PRDM6: variants seen among roughly 807,000 people sequenced by gnomAD.
PRDM6 encodes the protein PR/SET domain 6, also known as putative histone-lysine N-methyltransferase PRDM6.
A neutral mutation model predicts 60.8 loss-of-function variants in PRDM6; 25 were observed. That is an observed-to-expected ratio of 0.41 (90% CI 0.30 to 0.57). PRDM6 has a LOEUF of 0.57. PRDM6 is among the 20% of genes least tolerant of loss of function. PRDM6 has a pLI of 0.27. For missense variants in PRDM6, 839 were observed against 821.3 expected (o/e 1.02, Z -0.26); for synonymous variants, 407 against 357.4 (o/e 1.14, Z -1.57).
At chr5:123,121,300 AT>A (rs1247382083) in intron 3 of PRDM6, among the ~76,000 whole-genome samples, 31 of 151,790 alleles carry the variant, frequency 2.0e-4, no homozygotes, top group East Asian at 3.9e-4. Context: ...TATTTTGAAT[AT>A]TTTTTTCTTT....
Position 123,170,987 on chromosome 5 carries a change from T to C in PRDM6, c.1375T>C (p.Ser459Pro). ...KNQRVLASPTSTSQLHSEFSD... is the reference protein window; with the variant it reads ...KNQRVLASPTPTSQLHSEFSD... ...CCAGCGAGTCCTGGCAAGCCCAACT[T>C]CCACAAGCCAGCTCCACTCGGAGTT... Residue 459 changes from serine (S) to proline (P), a missense_variant, in exon 6 of 8, where the codon TCC becomes CCC. By Grantham distance (74) the Ser-to-Pro change is moderately conservative. Transcript: ENST00000407847. 1 of 1,551,778 alleles carries C rather than the reference T, an allele frequency of 6.4e-7. No individual in the cohort carries two copies. The highest frequency in any genetic ancestry group is 8.7e-7 in the Non-Finnish European group (1 of 1,147,028).
chr5:123,160,607 A>T (rs1487457032), intron 5 of PRDM6, among the ~76,000 whole-genome samples: 1 of 152,208 alleles, frequency 6.6e-6, no homozygotes, highest in African/African-American at 2.4e-5. Flanking sequence ...CTGCAATTTA[A>T]AAACGCTCAT....
chr5:123,147,397 G>A (rs1422998401), intron 3 of PRDM6, among the ~76,000 whole-genome samples: 2 of 152,002 alleles, frequency 1.3e-5, no homozygotes, highest in Admixed American at 6.6e-5. Context: ...TAGTGTTGAT[G>A]TTGTGTGGAC....
At chr5:123,117,292 A>G (rs1055107555) in intron 3 of PRDM6, among the ~76,000 whole-genome samples, 1 of 152,204 alleles carries the variant, frequency 6.6e-6, no homozygotes, top group East Asian at 1.9e-4. Flanking sequence ...GGAAAAAGGC[A>G]ATAAACATAC....
chr5:123,186,872 C>G (rs1766299769), intron 7 of PRDM6, among the ~76,000 whole-genome samples: 1 of 152,202 alleles, frequency 6.6e-6, no homozygotes, highest in Non-Finnish European at 1.5e-5. Flanking sequence ...ATCACCTTCC[C>G]CCTGCCTATT....
intron 3 of PRDM6, among the ~76,000 whole-genome samples, chr5:123,111,569 G>A (rs1004883905): frequency 2.4e-4 from 36 of 152,120 alleles, no homozygotes; most frequent in Admixed American, 2.4e-3. Context: ...GTGGTGACGG[G>A]CGCCTGTAGT....
intron 3 of PRDM6, among the ~76,000 whole-genome samples, chr5:123,114,881 A>G (rs1171703855): frequency 5.3e-5 from 8 of 152,198 alleles, no homozygotes; most frequent in Non-Finnish European, 1.5e-5. Context: ...TATGTTTTCA[A>G]AGGACCACTC....
At chr5:123,105,787 A>C (rs337128) in intron 3 of PRDM6, among the ~76,000 whole-genome samples, 76,785 of 152,120 alleles carry the variant, frequency 0.5, 19,665 homozygotes, top group Middle Eastern at 0.56. Context: ...ACTTCGGTAT[A>C]AGTACTTAGC....
chr5:123,171,022 G>C lies in PRDM6; in HGVS notation c.1410G>C (p.Trp470Cys), dbSNP rs980844966. The change falls in exon 6 of 8, where the codon TGG (tryptophan) becomes TGC (cysteine). Residue 470 changes from tryptophan to cysteine, a missense_variant. Physicochemically the swap from Trp to Cys is radical, Grantham distance 215. Coordinates refer to ENST00000407847, the MANE Select transcript of PRDM6 (RefSeq NM_001136239.4). ...TSQLHSEFSD[W>C]HLWKCGQCFK... ...AGCTCCACTCGGAGTTCAGTGACTG[G>C]CATCTTTGGAAATGTGGGCAGTGCT... The C allele has an allele frequency of 1.9e-6, 3 of 1,551,840 alleles. No individual in the cohort carries two copies. The African/African-American group carries it at 4.1e-5, about 21-fold the overall frequency.
chr5:123,182,231 A>G (rs1766181323), intron 7 of PRDM6, among the ~76,000 whole-genome samples: 1 of 152,174 alleles, frequency 6.6e-6, no homozygotes, highest in Non-Finnish European at 1.5e-5. Context: ...GGACTTTGTC[A>G]TTGCCCTCAG....
At chr5:123,118,152 C>T (rs1220539818) in intron 3 of PRDM6, among the ~76,000 whole-genome samples, 1 of 152,168 alleles carries the variant, frequency 6.6e-6, no homozygotes, top group African/African-American at 2.4e-5. Context: ...CTCAAGCCTC[C>T]TCTGGATGTT....
rs974528173 is a variant in PRDM6, at chr5:123,089,388, G to A, written c.-147G>A. 4 of 152,606 alleles carry A rather than the reference G, an allele frequency of 2.6e-5. No individual in the cohort carries two copies. The highest frequency in any genetic ancestry group is 9.7e-5 in the African/African-American group (4 of 41,342). The allele number at this position is 152,606 out of a possible 1,614,324, so 9.5% of individuals were successfully genotyped here. On this transcript the variant is annotated 5_prime_UTR_variant, in exon 1 of 8. Coordinates refer to ENST00000407847, the MANE Select transcript of PRDM6 (RefSeq NM_001136239.4). ...TCGCTTGCAGGTCGGGAGGTTTCCG[G>A]GCGGCACAATCTCTAGGACTCTCCT...
chr5:123,127,227 A>G (rs1764713836), intron 3 of PRDM6, among the ~76,000 whole-genome samples: 1 of 152,114 alleles, frequency 6.6e-6, no homozygotes, highest in Non-Finnish European at 1.5e-5. Flanking sequence ...TAGTAGAGAC[A>G]GGTTTTCAAC....
chr5:123,150,787 G>C (rs750707651), intron 3 of PRDM6, among the ~76,000 whole-genome samples: 1 of 152,158 alleles, frequency 6.6e-6, no homozygotes, highest in Non-Finnish European at 1.5e-5. Context: ...TGTAAACAGC[G>C]CTGGGTTCAC....
rs964146743 is a variant in PRDM6, at chr5:123,155,787, A to G, written c.901-97A>G. The G allele has an allele frequency of 5.0e-6, 7 of 1,402,192 alleles. No individual in the cohort carries two copies. In the African/African-American group the frequency reaches 7.2e-5, roughly 14 times the overall value. The allele number at this position is 1,402,192 out of a possible 1,614,324, so 86.9% of individuals were successfully genotyped here. On this transcript the variant is annotated intron_variant, in intron 3 of 7. Transcript: ENST00000407847. Reference sequence around the variant, plus strand: ...AGCACTAGCAAACCTAAGGGCAATAAATTTCTGCAGCTGACACATAAAGAC... The same window carrying G: ...AGCACTAGCAAACCTAAGGGCAATAGATTTCTGCAGCTGACACATAAAGAC...
chr5:123,131,941 T>A (rs1490662448), intron 3 of PRDM6, among the ~76,000 whole-genome samples: 1 of 152,204 alleles, frequency 6.6e-6, no homozygotes, highest in Non-Finnish European at 1.5e-5. Context: ...TTCTGTACCC[T>A]GGGTGCCTCA....
At chr5:123,095,172 C>T (rs1336695415) in intron 2 of PRDM6, among the ~76,000 whole-genome samples, 1 of 152,230 alleles carries the variant, frequency 6.6e-6, no homozygotes, top group Non-Finnish European at 1.5e-5. Flanking sequence ...TTGGAAGACC[C>T]CTGCCGGGTA....
intron 3 of PRDM6, among the ~76,000 whole-genome samples, chr5:123,149,656 AT>A (rs1765330032): frequency 6.6e-6 from 1 of 152,212 alleles, no homozygotes; most frequent in South Asian, 2.1e-4. Context: ...AGTTGAAGAA[AT>A]GCTTCCTTAC....
chr5:123,155,699 C>T (rs1355746128), intron 3 of PRDM6, among the ~76,000 whole-genome samples, 185 bp from the exon 4 acceptor site: 1 of 152,160 alleles, frequency 6.6e-6, no homozygotes, highest in Non-Finnish European at 1.5e-5. Context: ...AAAACATGAT[C>T]GACTTGCATC....
Sources: allele counts gnomAD v4.1 joint callset (sites outside exome capture counted in the v4.1 genomes callset), GRCh38; gene constraint gnomAD v4.1.1; transcripts MANE v1.5; gene names NCBI Gene and HGNC (gene_info 2026-07-23, HGNC 2026-07-21).